TTC28: variants seen among roughly 807,000 people sequenced by gnomAD.
The protein encoded by TTC28 is tetratricopeptide repeat protein 28.
Under a neutral mutation model 198.0 loss-of-function variants are expected in TTC28, and 61 were observed. The ratio of observed to expected loss-of-function variants is 0.31; its 90% CI spans 0.25 to 0.38. The LOEUF (loss-of-function observed/expected upper bound fraction) is 0.38, where lower values mean the gene tolerates loss of function less well. TTC28 is among the 10% of genes least tolerant of loss of function. The pLI, the probability that TTC28 is intolerant of heterozygous loss-of-function variation, is 1.00. For synonymous variants in TTC28, 1,171 were observed against 1,297.8 expected, an observed-to-expected ratio of 0.90 and a Z score of 2.10; for missense variants, 2,678 against 3,164.0, an observed-to-expected ratio of 0.85 and a Z score of 3.69.
At chr22:28,345,310 A>C (rs1398008289) in intron 2 of TTC28, among the ~76,000 whole-genome samples, 1 of 152,136 alleles carries the variant, frequency 6.6e-6, no homozygotes, top group African/African-American at 2.4e-5. Context: ...CAAAATAAAA[A>C]CTCACAGGAA....
At chr22:28,106,076 A>T (rs9625407) in intron 7 of TTC28, among the ~76,000 whole-genome samples, 10,723 of 152,282 alleles carry the variant, frequency 0.07, 432 homozygotes, top group South Asian at 0.091. Flanking sequence ...ATATATTAAT[A>T]GGCACAATGA....
intron 2 of TTC28, among the ~76,000 whole-genome samples, chr22:28,423,689 A>G (rs1433291129): frequency 1.3e-5 from 2 of 152,348 alleles, no homozygotes; most frequent in East Asian, 3.9e-4. Context: ...TCCTGATGAC[A>G]GTCACTGTAT....
intron 12 of TTC28, among the ~76,000 whole-genome samples, chr22:28,086,740 G>C (rs1941617404): frequency 1.3e-5 from 2 of 151,920 alleles, no homozygotes; most frequent in South Asian, 4.2e-4. Flanking sequence ...TTTTTTGAAA[G>C]GATCAACAAA....
intron 2 of TTC28, among the ~76,000 whole-genome samples, chr22:28,490,072 T>C (rs186308135): frequency 1.3e-5 from 2 of 152,250 alleles, no homozygotes; most frequent in East Asian, 3.9e-4. Flanking sequence ...TTTTTCTGCC[T>C]GCTTTATATT....
chr22:28,559,276 T>A (rs1425826477), intron 2 of TTC28, among the ~76,000 whole-genome samples: 1 of 152,198 alleles, frequency 6.6e-6, no homozygotes, highest in Non-Finnish European at 1.5e-5. Flanking sequence ...TAGTTTCACT[T>A]AGCCAAACTT....
chr22:28,561,295 C>T (rs545533385), intron 2 of TTC28, among the ~76,000 whole-genome samples: 4 of 151,794 alleles, frequency 2.6e-5, no homozygotes, highest in African/African-American at 9.7e-5. Context: ...CCAGGATGGT[C>T]TTGATCTCCT....
At chr22:28,457,154 A>G (rs2047875036) in intron 2 of TTC28, among the ~76,000 whole-genome samples, 1 of 152,226 alleles carries the variant, frequency 6.6e-6, no homozygotes, top group East Asian at 1.9e-4. Context: ...CGGCCCTTGC[A>G]GTGTCTTGTT....
At chr22:28,098,816 T>C (rs1942047938) in intron 10 of TTC28, 99 bp downstream of exon 10, 1 of 1,410,402 alleles carries the variant, frequency 7.1e-7, no homozygotes, top group Non-Finnish European at 9.5e-7. Context: ...CAACAAATCA[T>C]ATTTCTTCAC....
At chr22:28,294,381 T>C (rs2044848258) in intron 5 of TTC28, among the ~76,000 whole-genome samples, 2 of 151,988 alleles carry the variant, frequency 1.3e-5, no homozygotes, top group African/African-American at 2.4e-5. Context: ...GGCAGAAAAA[T>C]TTCATTCCTC....
chr22:28,396,694 C>A (rs2046823623), intron 2 of TTC28, among the ~76,000 whole-genome samples: 1 of 152,202 alleles, frequency 6.6e-6, no homozygotes, highest in Non-Finnish European at 1.5e-5. Flanking sequence ...TCCTCCCTCC[C>A]CATCCCAATT....
chr22:28,629,918 G>A (rs1281895004), intron 1 of TTC28, 88 bp from the exon 2 acceptor site: 2 of 1,197,056 alleles, frequency 1.7e-6, no homozygotes, highest in Non-Finnish European at 2.3e-6. Context: ...GTCCCCTCCA[G>A]TTGCACATTA....
intron 12 of TTC28, among the ~76,000 whole-genome samples, chr22:28,082,924 T>A (rs1941417509): frequency 6.6e-6 from 1 of 152,204 alleles, no homozygotes; most frequent in African/African-American, 2.4e-5. Context: ...ATTTCCTCAC[T>A]AGTTATAGAT....
chr22:28,604,744 C>CA (rs1023551269), intron 2 of TTC28, among the ~76,000 whole-genome samples: 11 of 150,620 alleles, frequency 7.3e-5, no homozygotes, highest in African/African-American at 2.4e-4. Context: ...GACTCCAGCT[C>CA]AAAAAAAAGA....
At chr22:28,327,004 A>G (rs1356943439) in intron 2 of TTC28, among the ~76,000 whole-genome samples, 2 of 151,772 alleles carry the variant, frequency 1.3e-5, no homozygotes, top group African/African-American at 2.4e-5. Flanking sequence ...ACACACACAC[A>G]CACACACACA....
chr22:28,273,165 T>C (rs1464230628), intron 5 of TTC28, among the ~76,000 whole-genome samples: 1 of 152,160 alleles, frequency 6.6e-6, no homozygotes, highest in African/African-American at 2.4e-5. Flanking sequence ...CTACTCTAAA[T>C]ATCTGCCAGA....
chr22:28,344,039 A>G (rs1569272632), intron 2 of TTC28, among the ~76,000 whole-genome samples: 1 of 152,094 alleles, frequency 6.6e-6, no homozygotes, highest in Non-Finnish European at 1.5e-5. Context: ...TACTATTTCT[A>G]AAAAGTCTCA....
chr22:28,237,441 C>T (rs1028529288), intron 5 of TTC28, among the ~76,000 whole-genome samples: 3 of 152,164 alleles, frequency 2.0e-5, no homozygotes, highest in Admixed American at 2.0e-4. Flanking sequence ...TTACAGTACA[C>T]ATCTTTAAAT....
At chr22:28,123,113 C>T (rs1942828887) in intron 6 of TTC28, among the ~76,000 whole-genome samples, 1 of 152,228 alleles carries the variant, frequency 6.6e-6, no homozygotes, top group Admixed American at 6.5e-5. Context: ...AACACATCAG[C>T]TCACTGAAAT....
At chr22:28,037,147 A>G (rs1939392731) in intron 12 of TTC28, among the ~76,000 whole-genome samples, 1 of 152,170 alleles carries the variant, frequency 6.6e-6, no homozygotes, top group African/African-American at 2.4e-5. Context: ...AAAAGAGGGA[A>G]TCCTCCCTAA....
Sources: allele counts gnomAD v4.1 joint callset (sites outside exome capture counted in the v4.1 genomes callset), GRCh38; gene constraint gnomAD v4.1.1; transcripts MANE v1.5; gene names NCBI Gene and HGNC (gene_info 2026-07-23, HGNC 2026-07-21).